TDRD12: variants seen among roughly 807,000 people sequenced by gnomAD.
TDRD12 encodes tudor domain containing 12, also known as putative ATP-dependent RNA helicase TDRD12.
In TDRD12, 158 loss-of-function variants were observed where a neutral mutation model predicts 133.5. The observed-to-expected ratio is 1.18, with a 90% CI of 1.04 to 1.35. TDRD12 has a LOEUF of 1.35. TDRD12 is among the 40% of genes most tolerant of loss of function. The pLI is 0.00. For synonymous variants in TDRD12, 460 were observed against 477.9 expected, an observed-to-expected ratio of 0.96 and a Z score of 0.49; for missense variants, 1,443 against 1,321.3, an observed-to-expected ratio of 1.09 and a Z score of -1.43.
chr19:32,735,255 C>G (rs544361721), intron 2 of TDRD12, among the ~76,000 whole-genome samples: 27 of 151,366 alleles, frequency 1.8e-4, no homozygotes, highest in Non-Finnish European at 2.5e-4. Context: ...AAAAGTGCCA[C>G]TCTGGAGAAC....
chr19:32,751,353 C>T (rs1338922931), intron 6 of TDRD12, among the ~76,000 whole-genome samples: 1 of 152,042 alleles, frequency 6.6e-6, no homozygotes, highest in African/African-American at 2.4e-5. Context: ...GGATGTTGAT[C>T]ACCTGGTTAA....
intron 8 of TDRD12, among the ~76,000 whole-genome samples, chr19:32,760,984 A>G (rs1970132611): frequency 6.6e-6 from 1 of 152,350 alleles, no homozygotes; most frequent in East Asian, 1.9e-4. Flanking sequence ...CCACAATGCA[A>G]TCATCAGAGT....
intron 21 of TDRD12, among the ~76,000 whole-genome samples, chr19:32,804,489 C>G (rs1167351811): frequency 6.6e-6 from 1 of 150,704 alleles, no homozygotes; most frequent in Non-Finnish European, 1.5e-5. Flanking sequence ...GTCAAGAGAT[C>G]GAGACCATCC....
chr19:32,781,742 G>A (rs994660979), intron 11 of TDRD12, among the ~76,000 whole-genome samples: 2 of 150,010 alleles, frequency 1.3e-5, no homozygotes, highest in Admixed American at 1.3e-4. Context: ...CTTTGTTGCC[G>A]GTGTTTGGAA....
intron 1 of TDRD12, among the ~76,000 whole-genome samples, chr19:32,727,657 C>T (rs1198429100): frequency 2.0e-5 from 3 of 152,116 alleles, no homozygotes; most frequent in East Asian, 1.9e-4. Context: ...TTTATTCTTT[C>T]ATTTTTATTT....
At chr19:32,822,625 T>C (rs1210842856), downstream of TDRD12, among the ~76,000 whole-genome samples, 2 of 151,624 alleles carry the variant, frequency 1.3e-5, no homozygotes, top group East Asian at 3.9e-4. Flanking sequence ...TGGGCACCTG[T>C]AGTCCCAGCT....
chr19:32,794,589 TCTAC>T, intron 13 of TDRD12, 35 bp from the exon 14 acceptor site: 1 of 692,362 alleles, frequency 1.4e-6, no homozygotes, highest in Non-Finnish European at 2.6e-6. Context: ...GTTAGTTTTC[TCTAC>T]CTTATTTTGG....
At chr19:32,732,012 G>GTT in intron 2 of TDRD12, 129 bp downstream of exon 2, 5 of 921,706 alleles carry the variant, frequency 5.4e-6, no homozygotes, top group East Asian at 3.0e-5. Flanking sequence ...CTTGTGTTAG[G>GTT]TTTTTTTTTG....
intron 16 of TDRD12, among the ~76,000 whole-genome samples, chr19:32,799,936 A>G (rs965244608): frequency 6.6e-6 from 1 of 151,740 alleles, no homozygotes; most frequent in African/African-American, 2.4e-5. Flanking sequence ...GGGTTTCACC[A>G]TGTTGGCCAG....
At chr19:32,800,412 T>TG (rs1051728447) in intron 17 of TDRD12, 54 bp downstream of exon 17, 2 of 1,329,652 alleles carry the variant, frequency 1.5e-6, no homozygotes, top group South Asian at 1.6e-5. Flanking sequence ...TATGTGTTGG[T>TG]GGGGGGCTGA....
At chr19:32,720,762 A>G (rs1247050399) in intron 1 of TDRD12, among the ~76,000 whole-genome samples, 1 of 71,678 alleles carries the variant, frequency 1.4e-5, no homozygotes, top group Non-Finnish European at 2.7e-5. Context: ...TCCCACCTGC[A>G]CCCCAGCCGC....
chr19:32,813,220 G>A (rs1289788637), intron 24 of TDRD12, among the ~76,000 whole-genome samples: 4 of 152,128 alleles, frequency 2.6e-5, no homozygotes, highest in African/African-American at 7.2e-5. Flanking sequence ...TCAGCAAGGG[G>A]TACACAAAGA....
chr19:32,796,975 G>A (rs1458385817), intron 14 of TDRD12, among the ~76,000 whole-genome samples: 2 of 149,148 alleles, frequency 1.3e-5, no homozygotes, highest in East Asian at 2.0e-4. Flanking sequence ...AGGAAGAGAG[G>A]TTCGTCTTTT....
intron 8 of TDRD12, among the ~76,000 whole-genome samples, chr19:32,758,490 G>A (rs957069730): frequency 4.6e-5 from 7 of 152,114 alleles, no homozygotes; most frequent in Admixed American, 1.3e-4. Context: ...TGTATTACCC[G>A]AGACTTGTAG....
At chr19:32,815,113 T>G (rs1360882889) in intron 25 of TDRD12, among the ~76,000 whole-genome samples, 5 of 152,002 alleles carry the variant, frequency 3.3e-5, no homozygotes, top group Admixed American at 2.0e-4. Context: ...TGAGAAGGAA[T>G]GAGAAAGATG....
intron 1 of TDRD12, among the ~76,000 whole-genome samples, chr19:32,730,475 A>AT (rs1029861884): frequency 6.6e-6 from 1 of 151,920 alleles, no homozygotes; most frequent in African/African-American, 2.4e-5. Context: ...TCATTTTTGT[A>AT]TTTTTTCCAG....
chr19:32,751,025 A>G (rs995725002), intron 6 of TDRD12, among the ~76,000 whole-genome samples: 2 of 151,990 alleles, frequency 1.3e-5, no homozygotes, highest in African/African-American at 4.8e-5. Context: ...GTTCCATGGT[A>G]GTTTGCTGGC....
intron 1 of TDRD12, among the ~76,000 whole-genome samples, chr19:32,721,718 T>TTTATTTTATG (rs1568440357): frequency 6.2e-5 from 9 of 145,982 alleles, no homozygotes; most frequent in African/African-American, 2.4e-4. Context: ...TTTATTTTAT[T>TTTATTTTATG]TTATTTTGAG....
At chr19:32,754,638 C>G (rs1284402109) in intron 6 of TDRD12, among the ~76,000 whole-genome samples, 1 of 150,790 alleles carries the variant, frequency 6.6e-6, no homozygotes, top group African/African-American at 2.4e-5. Context: ...TCTTTCTAAC[C>G]ATGTAGGTTG....
Sources: allele counts gnomAD v4.1 joint callset (sites outside exome capture counted in the v4.1 genomes callset), GRCh38; gene constraint gnomAD v4.1.1; transcripts MANE v1.5; gene names NCBI Gene and HGNC (gene_info 2026-07-23, HGNC 2026-07-21).